The following RBFOX1 variants were observed in gnomAD, a reference collection of about 807,000 sequenced individuals.
The protein encoded by RBFOX1 is RNA binding protein fox-1 homolog 1.
RBFOX1 carries 8 observed loss-of-function variants against 57.7 expected under a neutral mutation model. The observed-to-expected ratio is 0.14, with a 90% CI of 0.08 to 0.25. RBFOX1 has a LOEUF of 0.25. Ranked by LOEUF, RBFOX1 falls within the 10% of genes least tolerant of loss-of-function variation. The pLI is 1.00. For synonymous variants in RBFOX1, 326 were observed against 222.4 expected (o/e 1.47, Z -4.15); for missense variants, 611 against 548.5 (o/e 1.11, Z -1.14).
intron 2 of RBFOX1, chr16:5,598,866 C>T: frequency 6.9e-7 from 1 of 1,452,258 alleles, no homozygotes; most frequent in East Asian, 2.5e-5. Context: ...ACCCGGCTTC[C>T]CCAACCTTTT....
chr16:7,523,584 A>G (rs565129818), intron 5 of RBFOX1, among the ~76,000 whole-genome samples: 1 of 152,120 alleles, frequency 6.6e-6, no homozygotes, highest in Non-Finnish European at 1.5e-5. Flanking sequence ...TTCTCCAGCA[A>G]TGTTTGGATG....
intron 11 of RBFOX1, among the ~76,000 whole-genome samples, chr16:7,648,328 G>A (rs757054781): frequency 3.3e-5 from 5 of 152,006 alleles, no homozygotes; most frequent in Non-Finnish European, 7.4e-5. Flanking sequence ...GGGTTCAAGC[G>A]ATTCTCCTGC....
intron 3 of RBFOX1, chr16:7,003,987 GGT>G (rs1491219923): frequency 1.6e-4 from 23 of 139,796 alleles, no homozygotes; most frequent in African/African-American, 7.1e-4. Context: ...AGAAATGAGG[GGT>G]TTTTTTTTTT....
intron 2 of RBFOX1, among the ~76,000 whole-genome samples, chr16:6,629,202 A>G (rs35900490): frequency 5.8e-4 from 89 of 152,328 alleles, no homozygotes; most frequent in Admixed American, 1.1e-3. Flanking sequence ...TGTAATTGTG[A>G]TGGAAGTTCT....
At chr16:7,117,098 T>A (rs182935715) in intron 4 of RBFOX1, among the ~76,000 whole-genome samples, 1 of 152,118 alleles carries the variant, frequency 6.6e-6, no homozygotes, top group East Asian at 1.9e-4. Context: ...TAATGATATA[T>A]CTGCAAAACT....
chr16:7,708,304 C>G (rs758496), intron 14 of RBFOX1, among the ~76,000 whole-genome samples: 81,286 of 152,070 alleles, frequency 0.53, 22,563 homozygotes, highest in South Asian at 0.64. Context: ...TGGTTTCCAT[C>G]TCTTCTCCAT....
rs565238134 is a variant in RBFOX1, at chr16:5,487,919, G to GAT, written c.258+20665_258+20666insAT. On this transcript the variant is annotated intron_variant, in intron 2 of 2. Coordinates refer to the RBFOX1 transcript ENST00000585867. ...GAAGCTGTTGATAATGGAGATTTAT[G>GAT]GTGATGATAATGATAATTATGGTAG... Among the ~76,000 whole-genome samples, 535 of 152,146 alleles carry GAT rather than the reference G, an allele frequency of 3.5e-3. 3 individuals are homozygous for GAT. The highest frequency in any genetic ancestry group is 5.7e-3 in the Non-Finnish European group (388 of 68,000).
At chr16:6,756,217 G>C (rs969230078) in intron 3 of RBFOX1, among the ~76,000 whole-genome samples, 1 of 152,082 alleles carries the variant, frequency 6.6e-6, no homozygotes, top group Non-Finnish European at 1.5e-5. Flanking sequence ...TATATGGATT[G>C]GGGAAAGGAC....
chr16:7,525,400 T>C (rs923846925), intron 5 of RBFOX1, among the ~76,000 whole-genome samples: 4 of 152,300 alleles, frequency 2.6e-5, no homozygotes, highest in East Asian at 3.9e-4. Flanking sequence ...CAGGCTACAG[T>C]ACAGAGCTAG....
chr16:6,478,199 G>GA (rs1306348123), intron 2 of RBFOX1, among the ~76,000 whole-genome samples: 1 of 90,634 alleles, frequency 1.1e-5, no homozygotes, highest in Admixed American at 1.3e-4. Flanking sequence ...GTTGGTGCAG[G>GA]AGCCTAGCTT....
intron 2 of RBFOX1, among the ~76,000 whole-genome samples, chr16:6,503,258 T>C (rs563730763): frequency 1.2e-3 from 180 of 152,276 alleles, no homozygotes; most frequent in African/African-American, 3.8e-3. Context: ...CCCCCAAATA[T>C]CTATACTTAT....
chr16:6,561,620 G>T (rs1018585143), intron 2 of RBFOX1, among the ~76,000 whole-genome samples: 5 of 152,154 alleles, frequency 3.3e-5, no homozygotes, highest in African/African-American at 9.7e-5. Context: ...ATTCAATTCA[G>T]TTGCAGAATC....
In RBFOX1 at chr16:7,709,862, G is replaced by T. The variant is rs748338000; in HGVS notation, c.1071+731G>T. On this transcript the variant is annotated intron_variant, in intron 15 of 15. Coordinates refer to ENST00000550418, the MANE Select transcript of RBFOX1 (RefSeq NM_018723.4). ...GAGTACAGTAAGACGTGCCCATCAC[G>T]TGAGAGCATATGCAATCATTACAAA... The T allele has an allele frequency of 3.1e-5, 36 of 1,172,306 alleles. 1 individual carries two copies. Among genetic ancestry groups the T allele is most frequent in the Middle Eastern group, 3.5e-4 (1 of 2,842 alleles). The allele number at this position is 1,172,306 out of a possible 1,614,324, so 72.6% of individuals were successfully genotyped here. A position where few individuals can be genotyped will look rare whatever the true frequency, so the allele number is the denominator to read the frequency against.
intron 2 of RBFOX1, among the ~76,000 whole-genome samples, chr16:6,334,830 T>C (rs2083438673): frequency 6.6e-6 from 1 of 152,178 alleles, no homozygotes. Flanking sequence ...TACCAGCTTT[T>C]GCCATTCTGC....
At chr16:5,738,622 AG>A (rs1393841581) in intron 3 of RBFOX1, among the ~76,000 whole-genome samples, 1 of 126,696 alleles carries the variant, frequency 7.9e-6, no homozygotes, top group Non-Finnish European at 1.6e-5. Flanking sequence ...CGACAGAGCA[AG>A]GCTCTGTCTC....
rs371664831 is a variant in RBFOX1 at position 6,652,141 on chromosome 16, G to A, written c.-63-2462G>A. Among the ~76,000 whole-genome samples the A allele has an allele frequency of 1.2e-4, 18 of 152,188 alleles. No homozygotes were observed. The Middle Eastern group carries it at 0.01, about 87-fold the overall frequency. Reference sequence around the variant, plus strand: ...ATAAGGGTGGGGTCTTAATCCAATAGGATTGGTGGCCTTAAAAGAAAGATG... The same window carrying A: ...ATAAGGGTGGGGTCTTAATCCAATAAGATTGGTGGCCTTAAAAGAAAGATG... On this transcript the variant is annotated intron_variant, in intron 2 of 15. Transcript: ENST00000550418.
At chr16:7,597,985 T>G (rs891387277) in intron 9 of RBFOX1, among the ~76,000 whole-genome samples, 2 of 152,204 alleles carry the variant, frequency 1.3e-5, no homozygotes, top group Non-Finnish European at 2.9e-5. Flanking sequence ...GAATGTTGCT[T>G]TGTATTACAG....
chr16:6,487,758 A>G (rs2095538557), intron 2 of RBFOX1, among the ~76,000 whole-genome samples: 1 of 117,442 alleles, frequency 8.5e-6, no homozygotes, highest in Non-Finnish European at 1.7e-5. Flanking sequence ...TATATATAAA[A>G]TATTATGCAG....
intron 2 of RBFOX1, among the ~76,000 whole-genome samples, chr16:6,580,592 G>C (rs958933062): frequency 6.6e-6 from 1 of 152,146 alleles, no homozygotes; most frequent in Admixed American, 6.5e-5. Flanking sequence ...ATGTCACAGG[G>C]GGGGATGCAT....
Sources: allele counts gnomAD v4.1 joint callset (sites outside exome capture counted in the v4.1 genomes callset), GRCh38; gene constraint gnomAD v4.1.1; transcripts MANE v1.5; gene names NCBI Gene and HGNC (gene_info 2026-07-23, HGNC 2026-07-21).